The following TET3 variants were observed in gnomAD, a reference collection of about 807,000 sequenced individuals.
The protein encoded by TET3 is methylcytosine dioxygenase TET3.
TET3 carries 19 observed loss-of-function variants against 141.4 expected under a neutral mutation model. The ratio of observed to expected loss-of-function variants is 0.13; its 90% confidence interval spans 0.09 to 0.20. TET3 has a LOEUF of 0.20. Among genes scored for constraint, TET3 ranks in the 10% least tolerant of loss-of-function variants. The pLI is 1.00. For synonymous variants in TET3, 1,043 were observed against 980.9 expected (o/e 1.06, Z -1.18); for missense variants, 1,874 against 2,356.9 (o/e 0.80, Z 4.24).
chr2:74,042,377 T>A (rs1687383141), intron 3 of TET3, among the ~76,000 whole-genome samples: 2 of 152,146 alleles, frequency 1.3e-5, no homozygotes, highest in South Asian at 4.1e-4. Context: ...TGGGGGTGAG[T>A]TGGAGTAGTT....
chr2:74,130,311 AC>A, the TET3 span, among the ~76,000 whole-genome samples: 2 of 152,204 alleles, frequency 1.3e-5, no homozygotes, highest in Non-Finnish European at 2.9e-5. Context: ...AGGGTATCTT[AC>A]CAGGAGCTAA....
chr2:74,119,638 T>A, the TET3 span, among the ~76,000 whole-genome samples: 4 of 152,302 alleles, frequency 2.6e-5, no homozygotes, highest in Admixed American at 2.6e-4. Flanking sequence ...TAATAAGTAA[T>A]CCAGGAGGTG....
At position 74,074,865 on chromosome 2, in the gene TET3, GTTTGTTTGT is replaced by G. The variant is rs539506592; in HGVS notation, c.2585+1239_2585+1247del. On this transcript the variant is annotated intron_variant, in intron 5 of 11. Coordinates refer to ENST00000409262, the MANE Select transcript of TET3 (RefSeq NM_001287491.2). ...GAACAAGCATTAGTGTTTTTTGTTT[GTTTGTTTGT>G]TTTGTTTGTTTTTTTTTGAGACGGA... Among the ~76,000 whole-genome samples, 197 of 146,378 alleles carry G rather than the reference GTTTGTTTGT, an allele frequency of 1.3e-3. 1 individual carries two copies. The highest frequency in any genetic ancestry group is 3.4e-3 in the Middle Eastern group (1 of 294).
Position 74,022,329 on chromosome 2 carries a change from A to G in TET3, c.360+19163A>G, listed in dbSNP as rs181263187. 2.6e-5 allele frequency among the ~76,000 whole-genome samples: 4 copies of G among 151,948 alleles called. No individual in the cohort carries two copies. The East Asian group carries it at 7.7e-4, about 29-fold the overall frequency. On this transcript the variant is annotated intron_variant, in intron 3 of 11. Coordinates refer to ENST00000409262, the MANE Select transcript of TET3 (RefSeq NM_001287491.2). Reference sequence around the variant, plus strand: ...GTGTATGCTTTTTTTATGAATGGTAAGACAGCTTCATGTATTAGTGGTATT... The same window carrying G: ...GTGTATGCTTTTTTTATGAATGGTAGGACAGCTTCATGTATTAGTGGTATT...
rs1444547404 is a variant in TET3, at chr2:73,984,918, C to G, written c.-664C>G. ...GGTGCGCGGGGGGCGGGGAGTCCCG[C>G]GGACGCCTTCATTGCTGCTGCTGCT... On this transcript the variant is annotated 5_prime_UTR_variant, in exon 1 of 12. Coordinates refer to ENST00000409262, the MANE Select transcript of TET3 (RefSeq NM_001287491.2). This position sits in a 1 kb window ranked among gnomAD's most constrained non-coding sequence, Gnocchi z 5.6. Among the ~76,000 whole-genome samples the G allele has an allele frequency of 6.8e-6, 1 of 146,208 alleles. No homozygotes were observed. Among genetic ancestry groups the G allele is most frequent in the Non-Finnish European group, 1.5e-5 (1 of 65,692 alleles).
At chr2:74,028,151 T>A (rs1435840252) in intron 3 of TET3, among the ~76,000 whole-genome samples, 1 of 150,604 alleles carries the variant, frequency 6.6e-6, no homozygotes, top group Non-Finnish European at 1.5e-5. Flanking sequence ...CATGCCTGCC[T>A]AATTTTAAAA....
chr2:74,083,891 G>A (rs1558778571), intron 6 of TET3, among the ~76,000 whole-genome samples: 1 of 152,202 alleles, frequency 6.6e-6, no homozygotes. Flanking sequence ...CCCCTGGCCA[G>A]GAGCAGAAGT....
the TET3 span, among the ~76,000 whole-genome samples, chr2:74,120,458 G>C: frequency 2.0e-5 from 3 of 152,242 alleles, no homozygotes; most frequent in African/African-American, 7.2e-5. Flanking sequence ...CGGGGGGAAC[G>C]TGTGCCTGGG....
chr2:74,048,965 A>T (rs1687796673), intron 4 of TET3, among the ~76,000 whole-genome samples: 1 of 152,168 alleles, frequency 6.6e-6, no homozygotes, highest in South Asian at 2.1e-4. Context: ...GCTCCTGAGG[A>T]TTTTAAAGCA....
At chr2:74,059,339 G>A (rs1357397229) in intron 4 of TET3, among the ~76,000 whole-genome samples, 1 of 152,132 alleles carries the variant, frequency 6.6e-6, no homozygotes, top group Non-Finnish European at 1.5e-5. Flanking sequence ...TGCAACCTTC[G>A]CCTCCCCGGT....
chr2:74,102,099 G>A lies in TET3; in HGVS notation c.5311G>A (p.Val1771Met), dbSNP rs551735239. The part of the protein sequence containing the change: ...GVVPTRQALA[V>M]PTDSAVTVSS... ...CGTCCCCACCCGGCAGGCACTGGCT[G>A]TGCCCACAGACTCGGCGGTCACCGT... The change falls in exon 12 of 12, where the codon GTG becomes ATG. Residue 1771 changes from valine to methionine, a missense_variant. Val to Met is a conservative substitution (Grantham distance 21, BLOSUM62 1). Coordinates refer to ENST00000409262, the MANE Select transcript of TET3 (RefSeq NM_001287491.2). 6 of 1,501,604 alleles carry A rather than the reference G, an allele frequency of 4.0e-6. No homozygotes were observed. The highest frequency in any genetic ancestry group is 2.4e-5 in the Admixed American group (1 of 41,928). The allele number at this position is 1,501,604 out of a possible 1,614,324, so 93.0% of individuals were successfully genotyped here. A position where few individuals can be genotyped will look rare whatever the true frequency, so the allele number is the denominator to read the frequency against.
intron 4 of TET3, among the ~76,000 whole-genome samples, chr2:74,066,374 G>A (rs1688900935): frequency 1.3e-5 from 2 of 152,118 alleles, no homozygotes; most frequent in Admixed American, 1.3e-4. Context: ...TACATAACAA[G>A]AAATCGATGG....
intron 3 of TET3, among the ~76,000 whole-genome samples, chr2:74,032,452 T>TGCAAGAG (rs1686756387): frequency 1.0e-3 from 1 of 1,000 alleles, no homozygotes; most frequent in African/African-American, 2.7e-3. Context: ...GGTGTGTCTC[T>TGCAAGAG]GTGTGTGTGT....
chr2:74,087,754 G>A lies in TET3; in HGVS notation c.2680-76G>A, dbSNP rs1011668668. On this transcript the variant is annotated intron_variant, in intron 6 of 11. Transcript: ENST00000409262. This position sits in a 1 kb window ranked among gnomAD's most constrained non-coding sequence, Gnocchi z 4.3. ...TAAGACCTGCACCCTGGGTCTGTGT[G>A]ACAAAGGGAGGGGTGGCACCATGCA... 3.9e-5 allele frequency: 55 copies of A among 1,426,472 alleles called. 1 individual carries two copies. Among genetic ancestry groups the A allele is most frequent in the Non-Finnish European group, 4.9e-5 (52 of 1,066,576 alleles). 88.4% of individuals were successfully genotyped at this position (1,426,472 alleles called of 1,614,324 possible). A position where few individuals can be genotyped will look rare whatever the true frequency, so the allele number is the denominator to read the frequency against.
chr2:74,100,851 C>T lies in TET3; in HGVS notation c.4063C>T (p.His1355Tyr), dbSNP rs774747975. ...VPTDAHHPTP[H>Y]HQQPAYPGPK... is the part of the protein sequence containing the mutation. ...CACAGACGCCCACCACCCCACTCCT[C>T]ACCACCAGCAGCCTGCGTACCCAGG... The change falls in exon 12 of 12, where the codon CAC (histidine) becomes TAC (tyrosine). Residue 1355 changes from histidine to tyrosine, a missense_variant. Physicochemically the swap from His to Tyr is moderately conservative, Grantham distance 83. Coordinates refer to ENST00000409262, the MANE Select transcript of TET3 (RefSeq NM_001287491.2). 5.0e-6 allele frequency: 8 copies of T among 1,611,728 alleles called. No individual in the cohort carries two copies. Among genetic ancestry groups the T allele is most frequent in the South Asian group, 2.2e-5 (2 of 90,568 alleles).
intron 3 of TET3, among the ~76,000 whole-genome samples, chr2:74,040,095 C>T (rs1010827316): frequency 3.9e-5 from 6 of 152,100 alleles, no homozygotes; most frequent in South Asian, 2.1e-4. Context: ...ATTAAGCACT[C>T]GATGCATATG....
chr2:74,081,325 C>T (rs753239012), intron 6 of TET3, among the ~76,000 whole-genome samples: 15 of 152,216 alleles, frequency 9.9e-5, no homozygotes, highest in African/African-American at 1.4e-4. Context: ...TCCTCGGGTG[C>T]CTGCAAGCTC....
Position 74,102,169 on chromosome 2 carries a change from G to A in TET3, c.5381G>A (p.Trp1794Ter). 6.9e-7 allele frequency: 1 copy of A among 1,442,236 alleles called. No individual in the cohort carries two copies. The highest frequency in any genetic ancestry group is 9.1e-7 in the Non-Finnish European group (1 of 1,095,492). 89.3% of individuals were successfully genotyped at this position (1,442,236 alleles called of 1,614,324 possible). ...YTKVTGPYSR[W>*]I ...AAGGTCACTGGCCCCTACAGCCGCT[G>A]GATCTAGGTGCCAGGGAGCCAGCGT... Residue 1794 changes from tryptophan to a stop codon, truncating the protein, a stop_gained, in exon 12 of 12, where the codon TGG becomes TAG. Coordinates refer to ENST00000409262, the MANE Select transcript of TET3 (RefSeq NM_001287491.2). LOFTEE classifies it high-confidence loss of function.
At chr2:74,029,206 A>AC (rs1174177368) in intron 3 of TET3, among the ~76,000 whole-genome samples, 1 of 152,154 alleles carries the variant, frequency 6.6e-6, no homozygotes. Context: ...GTAAAATCCT[A>AC]CCCCTACCTG....
Sources: gnomAD v4.1 joint callset for allele counts (sites outside exome capture counted in the v4.1 genomes callset) on GRCh38, gnomAD v4.1.1 for gene constraint, Gnocchi (gnomAD v3.1) non-coding constraint, MANE v1.5 for transcripts, NCBI Gene and HGNC (gene_info 2026-07-23, HGNC 2026-07-21) for gene names.